The following CYFIP1 variants were observed in gnomAD, a reference collection of about 807,000 sequenced individuals.
CYFIP1 encodes the protein cytoplasmic FMR1 interacting protein 1, also known as cytoplasmic FMR1-interacting protein 1.
Under a neutral mutation model 163.5 loss-of-function variants are expected in CYFIP1, and 58 were observed. The ratio of observed to expected loss-of-function variants is 0.35; its 90% CI spans 0.29 to 0.44. The LOEUF (loss-of-function observed/expected upper bound fraction) is 0.44. CYFIP1 is among the 20% of genes least tolerant of loss of function. The pLI is 1.00. For synonymous variants in CYFIP1, 663 were observed against 660.7 expected, an observed-to-expected ratio of 1.00 and a Z score of -0.05; for missense variants, 1,338 against 1,653.8, an observed-to-expected ratio of 0.81 and a Z score of 3.31.
At chr15:22,924,605 A>G (rs2061299007) in intron 13 of CYFIP1, among the ~76,000 whole-genome samples, 1 of 152,092 alleles carries the variant, frequency 6.6e-6, no homozygotes, top group African/African-American at 2.4e-5. Flanking sequence ...GGTGGCTGAT[A>G]ATGGGCTGGC....
chr15:22,890,436 C>T (rs1183835127), intron 23 of CYFIP1, among the ~76,000 whole-genome samples: 2 of 152,176 alleles, frequency 1.3e-5, no homozygotes, highest in South Asian at 2.1e-4. Flanking sequence ...GGGGGAGCCC[C>T]GTAACAGCTG....
In CYFIP1 at chr15:22,869,840, A is replaced by G; in HGVS notation, c.*188T>C. ...GCAGCCAATATTCTCAAGAGTTCCT[A>G]ATTACCAAAAGCATATACAATTTTA... is the stretch of plus-strand genomic sequence containing the variant. On this transcript the variant is annotated 3_prime_UTR_variant, in exon 31 of 31. Coordinates refer to ENST00000617928, the MANE Select transcript of CYFIP1 (RefSeq NM_014608.6). 1 of 469,268 alleles carries G rather than the reference A, an allele frequency of 2.1e-6. No individual in the cohort carries two copies. Among genetic ancestry groups the G allele is most frequent in the Non-Finnish European group, 3.5e-6 (1 of 284,302 alleles). The allele number at this position is 469,268 out of a possible 1,614,324, so 29.1% of individuals were successfully genotyped here. A position where few individuals can be genotyped will look rare whatever the true frequency, so the allele number is the denominator to read the frequency against.
In CYFIP1 at chr15:22,939,088, A is replaced by G. The variant is rs2061810179; in HGVS notation, c.795+104T>C. ...CGCTGTTCACACATGACAGCATGCA[A>G]ATAAGACACAGCTGTCAAAAGGATT... On this transcript the variant is annotated intron_variant, in intron 8 of 30. Coordinates refer to ENST00000617928, the MANE Select transcript of CYFIP1 (RefSeq NM_014608.6). 3.5e-6 allele frequency: 5 copies of G among 1,436,748 alleles called. No homozygotes were observed. The South Asian group carries it at 6.3e-5, about 18-fold the overall frequency. 89.0% of individuals were successfully genotyped at this position (1,436,748 alleles called of 1,614,324 possible). A position where few individuals can be genotyped will look rare whatever the true frequency, so the allele number is the denominator to read the frequency against.
rs576887017 is a variant in CYFIP1, at chr15:22,943,364, G to C, written c.388-10C>G. ...GCTCAATGGCATTTCTCTGTGCAGAGGAAGCAGGAGGGCAGAAAGCTGCAG... is the reference window on the plus strand; with the variant it reads ...GCTCAATGGCATTTCTCTGTGCAGACGAAGCAGGAGGGCAGAAAGCTGCAG... On this transcript the variant is annotated splice_polypyrimidine_tract_variant and intron_variant, in intron 5 of 30. Coordinates refer to ENST00000617928, the MANE Select transcript of CYFIP1 (RefSeq NM_014608.6). 1 of 1,612,700 alleles carries C rather than the reference G, an allele frequency of 6.2e-7. No individual in the cohort carries two copies. The highest frequency in any genetic ancestry group is 1.7e-5 in the Admixed American group (1 of 59,960).
chr15:22,946,461 T>C (rs913536695), intron 3 of CYFIP1, among the ~76,000 whole-genome samples: 8 of 151,918 alleles, frequency 5.3e-5, no homozygotes, highest in Admixed American at 5.2e-4. Flanking sequence ...ACCAACATGG[T>C]GAAACCCTGT....
rs190275820 is a variant in CYFIP1 at position 22,958,217 on chromosome 15, C to T, written c.-6-10926G>A. 9.0e-4 allele frequency among the ~76,000 whole-genome samples: 136 copies of T among 151,944 alleles called. 3 individuals carry two copies. Among genetic ancestry groups the T allele is most frequent in the Admixed American group, 7.2e-3 (110 of 15,262 alleles). ...TTTCCTGCCTCAGCCTCTCAAGTAGCTGGGATTACAGGCACCCGCCACCAC... is the reference window on the plus strand; with the variant it reads ...TTTCCTGCCTCAGCCTCTCAAGTAGTTGGGATTACAGGCACCCGCCACCAC... On this transcript the variant is annotated intron_variant, in intron 1 of 30. Coordinates refer to ENST00000617928, the MANE Select transcript of CYFIP1 (RefSeq NM_014608.6).
intron 11 of CYFIP1, among the ~76,000 whole-genome samples, chr15:22,931,277 A>G (rs1057497220): frequency 6.6e-6 from 1 of 152,238 alleles, no homozygotes; most frequent in Non-Finnish European, 1.5e-5. Context: ...CAGCACAGAC[A>G]TGCCAGCAGT....
chr15:22,935,787 A>G (rs1386823403), intron 9 of CYFIP1, among the ~76,000 whole-genome samples: 2 of 152,192 alleles, frequency 1.3e-5, no homozygotes, highest in South Asian at 4.2e-4. Context: ...TGTTCTCATC[A>G]CAAAATAAAA....
intron 27 of CYFIP1, 144 bp from the exon 28 acceptor site, chr15:22,874,788 G>T: frequency 4.9e-6 from 3 of 610,718 alleles, no homozygotes; most frequent in Non-Finnish European, 8.0e-6. Context: ...TTACAGAACT[G>T]GCTCATTTAA....
chr15:22,971,215 T>C (rs1018061837), intron 1 of CYFIP1, among the ~76,000 whole-genome samples: 4 of 152,220 alleles, frequency 2.6e-5, no homozygotes, highest in African/African-American at 9.6e-5. Flanking sequence ...CAATGATTTC[T>C]TGGATATGAC....
At chr15:22,962,245 T>C (rs1037079904) in intron 1 of CYFIP1, among the ~76,000 whole-genome samples, 1 of 152,188 alleles carries the variant, frequency 6.6e-6, no homozygotes, top group Non-Finnish European at 1.5e-5. Context: ...TAATTAGTAA[T>C]GTTTAATGAT....
intron 9 of CYFIP1, among the ~76,000 whole-genome samples, chr15:22,936,048 G>C (rs755032764): frequency 6.6e-6 from 1 of 152,128 alleles, no homozygotes; most frequent in Non-Finnish European, 1.5e-5. Context: ...AGGGCTGGAG[G>C]ACTGCTTGAG....
At position 22,887,312 on chromosome 15, in the gene CYFIP1, T is replaced by C. The variant is rs541588511; in HGVS notation, c.2677-4301A>G. Reference sequence around the variant, plus strand: ...AAGGACAGAAACCCCACCCAGTGTCTGTCCCAGGCCCAAGCCCTGCGGCCC... The same window carrying C: ...AAGGACAGAAACCCCACCCAGTGTCCGTCCCAGGCCCAAGCCCTGCGGCCC... On this transcript the variant is annotated intron_variant, in intron 23 of 30. Transcript: ENST00000617928. 2.0e-3 allele frequency among the ~76,000 whole-genome samples: 311 copies of C among 152,344 alleles called. 3 individuals are homozygous for C. The highest frequency in any genetic ancestry group is 7.0e-3 in the African/African-American group (291 of 41,570).
intron 1 of CYFIP1, among the ~76,000 whole-genome samples, chr15:22,963,558 AG>A (rs1567038792): frequency 0.015 from 1,639 of 110,390 alleles, 47 homozygotes; most frequent in Non-Finnish European, 0.021. Context: ...ACATAACATA[AG>A]AAAGAATGAA....
rs1442586785 is a variant in CYFIP1 at position 22,924,215 on chromosome 15, G to GGAGTTTGAGACCAGCCCGGCCA, written c.1359+1745_1359+1766dup. 7.2e-5 allele frequency among the ~76,000 whole-genome samples: 11 copies of GGAGTTTGAGACCAGCCCGGCCA among 152,248 alleles called. No individual in the cohort carries two copies. In the South Asian group the frequency reaches 2.3e-3, roughly 32 times the overall value. On this transcript the variant is annotated intron_variant, in intron 13 of 30. Coordinates refer to ENST00000617928, the MANE Select transcript of CYFIP1 (RefSeq NM_014608.6). Reference sequence around the variant, plus strand: ...AAGGCAGGCGGATTACCTGAGGTCAGGAGTTTGAGACCAGCCCGGCCAACA... The same window carrying GGAGTTTGAGACCAGCCCGGCCA: ...AAGGCAGGCGGATTACCTGAGGTCAGGAGTTTGAGACCAGCCCGGCCAGAGTTTGAGACCAGCCCGGCCAACA...
In CYFIP1 at chr15:22,873,736, A is replaced by G. The variant is rs2059501530; in HGVS notation, c.3211-7T>C. The G allele has an allele frequency of 3.7e-6, 6 of 1,609,366 alleles. No individual in the cohort carries two copies. In the East Asian group the frequency reaches 1.3e-4, roughly 36 times the overall value. The stretch of plus-strand genomic sequence containing the variant: ...CTCTTGCGATGGCAATTTGCTGCAG[A>G]AAGGACAAGCCGTGGAATGCCGTGG... On this transcript the variant is annotated splice_polypyrimidine_tract_variant and splice_region_variant and intron_variant, in intron 28 of 30. Transcript: ENST00000617928.
At chr15:22,903,189 T>C (rs2060454983) in intron 22 of CYFIP1, among the ~76,000 whole-genome samples, 1 of 152,060 alleles carries the variant, frequency 6.6e-6, no homozygotes, top group Admixed American at 6.5e-5. Flanking sequence ...GCGCTGACAC[T>C]GTATAGATGC....
chr15:22,889,049 A>AC (rs1283611490), intron 23 of CYFIP1, among the ~76,000 whole-genome samples: 10 of 152,054 alleles, frequency 6.6e-5, no homozygotes, highest in South Asian at 4.1e-4. Flanking sequence ...AAAAAAAAAA[A>AC]ACACACAAAA....
At chr15:22,873,090 G>C (rs886157086) in intron 29 of CYFIP1, 118 bp from the exon 30 acceptor site, 1 of 1,153,932 alleles carries the variant, frequency 8.7e-7, no homozygotes, top group Non-Finnish European at 1.2e-6. Flanking sequence ...TGCCTACACA[G>C]TCACCTTCCA....
Sources: allele counts gnomAD v4.1 joint callset (sites outside exome capture counted in the v4.1 genomes callset), GRCh38; gene constraint gnomAD v4.1.1; transcripts MANE v1.5; gene names NCBI Gene and HGNC (gene_info 2026-07-23, HGNC 2026-07-21).